Variants in PHACTR1 observed in about 807,000 individuals in gnomAD.
PHACTR1 encodes RPEL repeat containing 1.
PHACTR1 carries 16 observed loss-of-function variants against 69.2 expected under a neutral mutation model. The observed-to-expected ratio is 0.23, with a 90% CI of 0.16 to 0.35. PHACTR1 has a LOEUF of 0.35. Among genes scored for constraint, PHACTR1 ranks in the 10% least tolerant of loss-of-function variants. PHACTR1 has a pLI of 1.00. For synonymous variants in PHACTR1, 312 were observed against 284.5 expected (o/e 1.10, Z -0.97); for missense variants, 510 against 734.7 (o/e 0.69, Z 3.54).
intron 4 of PHACTR1, among the ~76,000 whole-genome samples, chr6:12,998,023 C>T (rs1047564757): frequency 6.6e-6 from 1 of 152,098 alleles, no homozygotes; most frequent in Admixed American, 6.5e-5. Context: ...GTGCAAAGAA[C>T]GTCAGGACTT....
chr6:12,753,943 AAT>A lies in PHACTR1; in HGVS notation c.250+4180_250+4181del, dbSNP rs775836853. Among the ~76,000 whole-genome samples the A allele has an allele frequency of 1.3e-3, 115 of 86,168 alleles. 1 individual carries two copies. Among genetic ancestry groups the A allele is most frequent in the South Asian group, 1.0e-2 (32 of 3,202 alleles). 56.5% of individuals were successfully genotyped at this position (86,168 alleles called of 152,430 possible). On this transcript the variant is annotated intron_variant, in intron 4 of 14. Coordinates refer to ENST00000332995, the MANE Select transcript of PHACTR1 (RefSeq NM_030948.6). ...GAGAACTGTCCCTAGGCAAGTTGTAAATATATATATATATATATATATATATA... is the reference window on the plus strand; with the variant it reads ...GAGAACTGTCCCTAGGCAAGTTGTAAATATATATATATATATATATATATA...
At chr6:13,286,270 T>G in intron 14 of PHACTR1, 48 bp downstream of exon 14, 1 of 1,435,108 alleles carries the variant, frequency 7.0e-7, no homozygotes, top group Non-Finnish European at 9.4e-7. Flanking sequence ...CAAGTTGCAA[T>G]ATTTATCTCC....
intron 3 of PHACTR1, among the ~76,000 whole-genome samples, chr6:12,737,398 T>C (rs190236759): frequency 2.0e-5 from 3 of 149,380 alleles, no homozygotes; most frequent in Non-Finnish European, 4.5e-5. Flanking sequence ...TATTGTTTTA[T>C]ACACACACAC....
rs576364727 is a variant in PHACTR1, at chr6:13,045,611, T to G, written c.251-7754T>G. Reference sequence around the variant, plus strand: ...GGGCACCAGGATTTATGGATGTTCTTGTATTCTTGGCTGTCAATTCATGCT... The same window carrying G: ...GGGCACCAGGATTTATGGATGTTCTGGTATTCTTGGCTGTCAATTCATGCT... On this transcript the variant is annotated intron_variant, in intron 4 of 14. Coordinates refer to ENST00000332995, the MANE Select transcript of PHACTR1 (RefSeq NM_030948.6). 1.5e-4 allele frequency among the ~76,000 whole-genome samples: 23 copies of G among 152,328 alleles called. No individual in the cohort carries two copies. The South Asian group carries it at 3.9e-3, about 26-fold the overall frequency.
chr6:12,954,541 G>A (rs1262045787), intron 4 of PHACTR1, among the ~76,000 whole-genome samples: 1 of 151,964 alleles, frequency 6.6e-6, no homozygotes, highest in Non-Finnish European at 1.5e-5. Context: ...GAGGGCTAGG[G>A]GAAATGGGCA....
At chr6:12,916,113 A>T (rs535959476) in intron 4 of PHACTR1, among the ~76,000 whole-genome samples, 1 of 152,316 alleles carries the variant, frequency 6.6e-6, no homozygotes, top group African/African-American at 2.4e-5. Flanking sequence ...GTTTTCCATA[A>T]GCCTAAAACT....
chr6:13,182,456 G>A (rs1198747283), intron 6 of PHACTR1, 63 bp from the exon 7 acceptor site: 2 of 1,557,340 alleles, frequency 1.3e-6, no homozygotes, highest in South Asian at 1.1e-5. Context: ...CAGGCGGGAA[G>A]TGCCACTCTT....
At chr6:13,177,172 TAAAAAAAAAAAAAAAAAA>T (rs530741132) in intron 6 of PHACTR1, among the ~76,000 whole-genome samples, 1 of 63,376 alleles carries the variant, frequency 1.6e-5, no homozygotes, top group East Asian at 6.2e-4. Context: ...ACCCCATCTC[TAAAAAAAAAAAAAAAAAA>T]AAAAAAAAAA....
intron 4 of PHACTR1, among the ~76,000 whole-genome samples, chr6:12,879,794 T>A (rs776707946): frequency 3.6e-4 from 55 of 152,220 alleles, no homozygotes; most frequent in Admixed American, 7.2e-4. Flanking sequence ...CTAGACAGTT[T>A]GACTTCATAA....
At chr6:12,723,675 C>A (rs1006725710) in intron 3 of PHACTR1, among the ~76,000 whole-genome samples, 2 of 151,972 alleles carry the variant, frequency 1.3e-5, no homozygotes, top group African/African-American at 4.8e-5. Flanking sequence ...GTTTTACAGA[C>A]AGAATCTTGC....
At chr6:12,746,486 C>T (rs1182017340) in intron 3 of PHACTR1, among the ~76,000 whole-genome samples, 1 of 152,088 alleles carries the variant, frequency 6.6e-6, no homozygotes, top group East Asian at 1.9e-4. Flanking sequence ...TGCAGTGAGT[C>T]GAGACTGCAT....
At chr6:12,779,172 C>A (rs902241196) in intron 4 of PHACTR1, among the ~76,000 whole-genome samples, 6 of 152,072 alleles carry the variant, frequency 3.9e-5, no homozygotes, top group Non-Finnish European at 8.8e-5. Flanking sequence ...CCTGTCTCTA[C>A]TAAAAATACA....
At chr6:12,826,938 G>A (rs13215145) in intron 4 of PHACTR1, among the ~76,000 whole-genome samples, 12,380 of 152,214 alleles carry the variant, frequency 0.081, 538 homozygotes, top group Middle Eastern at 0.13. Context: ...AGAATTGAAT[G>A]CTAAGAACAT....
chr6:12,957,898 G>A, intron 4 of PHACTR1: 1 of 985,392 alleles, frequency 1.0e-6, no homozygotes, highest in South Asian at 4.7e-5. Flanking sequence ...GCATGGGCGT[G>A]TGTAGCATGT....
At chr6:13,144,770 C>CA (rs1355659351) in intron 5 of PHACTR1, among the ~76,000 whole-genome samples, 857 of 17,268 alleles carry the variant, frequency 0.05, 35 homozygotes, top group African/African-American at 0.11. Context: ...GACCCTGTCT[C>CA]AGAAAAAAAA....
chr6:12,795,808 G>A (rs890475327), intron 4 of PHACTR1, among the ~76,000 whole-genome samples: 15 of 151,152 alleles, frequency 9.9e-5, no homozygotes, highest in African/African-American at 3.6e-4. Flanking sequence ...ACCTTTTTTG[G>A]AACAGAGTGA....
At chr6:12,725,663 T>G (rs1043621373) in intron 3 of PHACTR1, among the ~76,000 whole-genome samples, 2 of 152,234 alleles carry the variant, frequency 1.3e-5, no homozygotes, top group Non-Finnish European at 2.9e-5. Flanking sequence ...AAGTGTCTAG[T>G]ACCTTGTCTA....
chr6:13,070,905 G>A (rs1371977821), intron 5 of PHACTR1, among the ~76,000 whole-genome samples: 1 of 151,760 alleles, frequency 6.6e-6, no homozygotes, highest in Non-Finnish European at 1.5e-5. Context: ...TTAAGTTGAA[G>A]GAGATAGAGA....
intron 4 of PHACTR1, among the ~76,000 whole-genome samples, chr6:12,804,508 A>T (rs1051128916): frequency 6.6e-6 from 1 of 152,136 alleles, no homozygotes; most frequent in Non-Finnish European, 1.5e-5. Context: ...AATATAAAAC[A>T]TTTTCTTATA....
Sources: allele counts gnomAD v4.1 joint callset (sites outside exome capture counted in the v4.1 genomes callset), GRCh38; gene constraint gnomAD v4.1.1; transcripts MANE v1.5; gene names NCBI Gene and HGNC (gene_info 2026-07-23, HGNC 2026-07-21).